PLA2G4C: variants seen among roughly 807,000 people sequenced by gnomAD.
The protein encoded by PLA2G4C is cytosolic phospholipase A2 gamma.
In PLA2G4C, 64 loss-of-function variants were observed where a neutral mutation model predicts 73.8. The observed-to-expected ratio is 0.87, with a 90% CI of 0.71 to 1.07. PLA2G4C has a LOEUF of 1.07. Ranked by LOEUF, PLA2G4C falls within the 50% of genes least tolerant of loss-of-function variation. The probability of loss-of-function intolerance (pLI) is 0.00; values close to 1 mark genes in which losing one functional copy is unlikely to be tolerated. For missense variants in PLA2G4C, 622 were observed against 665.4 expected (o/e 0.93, Z 0.72); for synonymous variants, 254 against 252.1 (o/e 1.01, Z -0.07).
chr19:48,069,770 T>C (rs995629482), intron 12 of PLA2G4C, among the ~76,000 whole-genome samples: 9 of 151,624 alleles, frequency 5.9e-5, no homozygotes, highest in Admixed American at 1.3e-4. Flanking sequence ...TACTTTTATT[T>C]ATTTATTTTT....
intron 10 of PLA2G4C, 144 bp from the exon 11 acceptor site, chr19:48,077,968 T>G: frequency 1.7e-6 from 1 of 596,230 alleles, no homozygotes; most frequent in Non-Finnish European, 2.8e-6. Flanking sequence ...AGAGCTAATT[T>G]TGTACCCGTC....
Position 48,095,096 on chromosome 19 carries a change from G to A in PLA2G4C, c.709+368C>T, listed in dbSNP as rs114913002. 9.8e-4 allele frequency among the ~76,000 whole-genome samples: 149 copies of A among 152,138 alleles called. 1 individual carries two copies. Among genetic ancestry groups the A allele is most frequent in the African/African-American group, 2.8e-3 (115 of 41,492 alleles). On this transcript the variant is annotated intron_variant, in intron 7 of 16. Coordinates refer to ENST00000599921, the MANE Select transcript of PLA2G4C (RefSeq NM_003706.3). ...AGAGACACAGTGTTGCTATGTTGCCGAGGTTGGTCTCAAACTCCCAGTCTC... is the reference window on the plus strand; with the variant it reads ...AGAGACACAGTGTTGCTATGTTGCCAAGGTTGGTCTCAAACTCCCAGTCTC...
chr19:48,098,542 C>T (rs939693059), intron 5 of PLA2G4C, among the ~76,000 whole-genome samples: 8 of 151,146 alleles, frequency 5.3e-5, no homozygotes, highest in Admixed American at 2.6e-4. Flanking sequence ...AGGCTGGTCT[C>T]GAACTCATGG....
chr19:48,100,684 C>T (rs1197865405), intron 4 of PLA2G4C, among the ~76,000 whole-genome samples: 2 of 142,740 alleles, frequency 1.4e-5, no homozygotes, highest in African/African-American at 5.2e-5. Flanking sequence ...CCAAGGTGTG[C>T]GGATCACGAG....
chr19:48,090,359 C>G lies in PLA2G4C; in HGVS notation c.763+5G>C. On this transcript the variant is annotated splice_donor_5th_base_variant and intron_variant, in intron 8 of 16. Transcript: ENST00000599921. ...GTTTGACCTTTCTGTTCCCCAAATA[C>G]TCACCAAAAATGTATTCCCTAATGA... 2 of 1,603,488 alleles carry G rather than the reference C, an allele frequency of 1.2e-6. No individual in the cohort carries two copies. The highest frequency in any genetic ancestry group is 1.7e-6 in the Non-Finnish European group (2 of 1,170,364).
At chr19:48,081,373 G>T (rs1377699845) in intron 10 of PLA2G4C, among the ~76,000 whole-genome samples, 1 of 152,198 alleles carries the variant, frequency 6.6e-6, no homozygotes, top group Non-Finnish European at 1.5e-5. Flanking sequence ...TTATAAGTGG[G>T]AGCTAAGCTA....
Position 48,055,058 on chromosome 19 carries a change from G to A in PLA2G4C, c.1258-9C>T. 1.3e-6 allele frequency: 2 copies of A among 1,587,844 alleles called. No homozygotes were observed. Among genetic ancestry groups the A allele is most frequent in the South Asian group, 1.2e-5 (1 of 86,588 alleles). ...GTGGTAGCCCGGATGGTCTGAGAAG[G>A]AGGCAATAAGAAATGGTTGCAAGAC... On this transcript the variant is annotated splice_polypyrimidine_tract_variant and intron_variant, in intron 14 of 16. Coordinates refer to ENST00000599921, the MANE Select transcript of PLA2G4C (RefSeq NM_003706.3).
At chr19:48,073,177 C>T (rs1010975147) in intron 12 of PLA2G4C, 6 of 152,556 alleles carry the variant, frequency 3.9e-5, no homozygotes, top group African/African-American at 1.4e-4. Flanking sequence ...TCCTGAGTAG[C>T]TGGGACCATG....
chr19:48,050,795 C>T (rs1035518494), intron 16 of PLA2G4C, among the ~76,000 whole-genome samples: 3 of 151,384 alleles, frequency 2.0e-5, no homozygotes, highest in Non-Finnish European at 4.4e-5. Flanking sequence ...CTACCTCAGC[C>T]TCCTAAGGAG....
chr19:48,053,368 T>TTC (rs1555740866), intron 15 of PLA2G4C, among the ~76,000 whole-genome samples: 77 of 89,990 alleles, frequency 8.6e-4, no homozygotes, highest in African/African-American at 2.3e-3. Context: ...TTTTTTCTTT[T>TTC]TTTTTTTTTT....
At chr19:48,105,829 C>A in intron 2 of PLA2G4C, among the ~76,000 whole-genome samples, 1 of 55,934 alleles carries the variant, frequency 1.8e-5, no homozygotes, top group Non-Finnish European at 3.3e-5. Flanking sequence ...TCCCCTCCCT[C>A]CCTCCCTCCC....
intron 13 of PLA2G4C, among the ~76,000 whole-genome samples, chr19:48,064,594 C>T (rs982967840): frequency 2.0e-5 from 3 of 152,162 alleles, no homozygotes; most frequent in Admixed American, 1.3e-4. Flanking sequence ...GTTCCCTTAA[C>T]CATAACCATC....
intron 6 of PLA2G4C, chr19:48,096,995 A>T (rs1372478291): frequency 6.6e-6 from 1 of 151,906 alleles, no homozygotes; most frequent in Non-Finnish European, 1.5e-5. Context: ...GTCTCTACTA[A>T]AAATACAAAA....
intron 13 of PLA2G4C, 40 bp downstream of exon 13, chr19:48,067,751 G>C: frequency 7.5e-7 from 1 of 1,340,194 alleles, no homozygotes; most frequent in African/African-American, 1.4e-5. Context: ...CCATTCACAC[G>C]CAAGGACAGA....
chr19:48,083,392 C>CTTTTTTTTTTTTTTT, intron 10 of PLA2G4C, among the ~76,000 whole-genome samples: 1 of 105,838 alleles, frequency 9.4e-6, no homozygotes. Context: ...ATTTTCTTTT[C>CTTTTTTTTTTTTTTT]TTTTTTTTTT....
chr19:48,054,325 G>A (rs767629899), intron 15 of PLA2G4C, among the ~76,000 whole-genome samples: 30 of 152,188 alleles, frequency 2.0e-4, no homozygotes, highest in African/African-American at 4.6e-4. Flanking sequence ...ATTTATTTGA[G>A]AAGGAGTCTT....
At chr19:48,097,781 T>G (rs251687) in intron 6 of PLA2G4C, 118,772 of 185,924 alleles carry the variant, frequency 0.64, 38,722 homozygotes, top group African/African-American at 0.74. Context: ...TGTTTTGTTT[T>G]GTTTTTTAAT....
At chr19:48,060,422 T>C (rs1015956911) in intron 14 of PLA2G4C, among the ~76,000 whole-genome samples, 7 of 152,118 alleles carry the variant, frequency 4.6e-5, no homozygotes, top group African/African-American at 1.7e-4. Context: ...GAAGTCGTCT[T>C]TGATTGAAGT....
chr19:48,110,568 G>T lies in PLA2G4C; in HGVS notation c.-114C>A. 3 of 356,976 alleles carry T rather than the reference G, an allele frequency of 8.4e-6. No individual in the cohort carries two copies. Among genetic ancestry groups the T allele is most frequent in the East Asian group, 3.1e-4 (1 of 3,226 alleles). 22.1% of individuals were successfully genotyped at this position (356,976 alleles called of 1,614,324 possible). ...CGGTGCGGAGGCTTGGGCTCCCTGCGCTTAGCGGTGTAGTCGCTGGACAGC... is the reference window on the plus strand; with the variant it reads ...CGGTGCGGAGGCTTGGGCTCCCTGCTCTTAGCGGTGTAGTCGCTGGACAGC... On this transcript the variant is annotated 5_prime_UTR_variant, in exon 1 of 17. Coordinates refer to ENST00000599921, the MANE Select transcript of PLA2G4C (RefSeq NM_003706.3).
Sources: allele counts gnomAD v4.1 joint callset (sites outside exome capture counted in the v4.1 genomes callset), GRCh38; gene constraint gnomAD v4.1.1; transcripts MANE v1.5; gene names NCBI Gene and HGNC (gene_info 2026-07-23, HGNC 2026-07-21).